Variants in RASA1 observed in about 807,000 individuals in gnomAD.
RASA1 encodes RAS p21 protein activator 1.
RASA1 carries 25 observed loss-of-function variants against 132.2 expected under a neutral mutation model. That is an observed-to-expected ratio of 0.19 (90% CI 0.14 to 0.26). The LOEUF (loss-of-function observed/expected upper bound fraction) is 0.26. Among genes scored for constraint, RASA1 ranks in the 10% least tolerant of loss-of-function variants. The pLI, the probability that RASA1 is intolerant of heterozygous loss-of-function variation, is 1.00. For synonymous variants in RASA1, 477 were observed against 449.9 expected, an observed-to-expected ratio of 1.06 and a Z score of -0.76; for missense variants, 964 against 1,299.2, an observed-to-expected ratio of 0.74 and a Z score of 3.97.
At chr5:87,385,208 C>T (rs768970048) in intron 21 of RASA1, 93 bp from the exon 22 acceptor site, 61 of 836,424 alleles carry the variant, frequency 7.3e-5, no homozygotes, top group Non-Finnish European at 1.2e-4. Flanking sequence ...AGTAGTTTAA[C>T]AGTAAAGAAA....
At chr5:87,317,045 G>A (rs1045377213) in intron 1 of RASA1, among the ~76,000 whole-genome samples, 6 of 152,058 alleles carry the variant, frequency 3.9e-5, no homozygotes. Flanking sequence ...ACTACACCCA[G>A]CTAATTTTTG....
At position 87,353,180 on chromosome 5, in the gene RASA1, A is replaced by G; in HGVS notation, c.1277A>G (p.Tyr426Cys). 6.2e-7 allele frequency: 1 copy of G among 1,610,652 alleles called. No individual in the cohort carries two copies. Among genetic ancestry groups the G allele is most frequent in the Non-Finnish European group, 8.5e-7 (1 of 1,177,386 alleles). ...YNSIGDIIDH[Y>C]RKEQIVEGYY... ...AGCATTGGGGACATCATAGATCACTATCGAAAAGAACAGATTGTTGAAGGA... is the reference window on the plus strand; with the variant it reads ...AGCATTGGGGACATCATAGATCACTGTCGAAAAGAACAGATTGTTGAAGGA... Residue 426 changes from tyrosine to cysteine, a missense_variant, in exon 9 of 25, where the codon TAT becomes TGT. Tyr to Cys is a radical substitution (Grantham distance 194, BLOSUM62 -2). Transcript: ENST00000274376.
At position 87,319,356 on chromosome 5, in the gene RASA1, G is replaced by C. The variant is rs577457199; in HGVS notation, c.540-11992G>C. Among the ~76,000 whole-genome samples the C allele has an allele frequency of 2.0e-5, 3 of 152,356 alleles. No homozygotes were observed. In the East Asian group the frequency reaches 5.8e-4, roughly 29 times the overall value. Reference sequence around the variant, plus strand: ...ACATTTCCCCCTCTGCACTGCCCTAGTAGAGGGTCTCCATGAGGACTCTGG... The same window carrying C: ...ACATTTCCCCCTCTGCACTGCCCTACTAGAGGGTCTCCATGAGGACTCTGG... On this transcript the variant is annotated intron_variant, in intron 1 of 24. Transcript: ENST00000274376.
intron 1 of RASA1, among the ~76,000 whole-genome samples, chr5:87,297,290 C>T (rs1755163465): frequency 6.6e-6 from 1 of 152,174 alleles, no homozygotes; most frequent in Non-Finnish European, 1.5e-5. Context: ...TCTCTTCAAG[C>T]TGTTTTTTGC....
At chr5:87,278,153 T>G (rs1754148441) in intron 1 of RASA1, among the ~76,000 whole-genome samples, 1 of 152,192 alleles carries the variant, frequency 6.6e-6, no homozygotes, top group Non-Finnish European at 1.5e-5. Flanking sequence ...ATAGACCGTA[T>G]CTCACCTATA....
At chr5:87,321,268 C>G (rs1474618828) in intron 1 of RASA1, among the ~76,000 whole-genome samples, 1 of 152,188 alleles carries the variant, frequency 6.6e-6, no homozygotes, top group East Asian at 1.9e-4. Flanking sequence ...CCACAACAAT[C>G]AACACAGAGG....
At chr5:87,309,695 T>C (rs1300309817) in intron 1 of RASA1, among the ~76,000 whole-genome samples, 1 of 152,156 alleles carries the variant, frequency 6.6e-6, no homozygotes. Context: ...TCAGTCTTTG[T>C]ATATTTCTTT....
At chr5:87,286,861 CATATACACCATATAT>C (rs1362732603) in intron 1 of RASA1, among the ~76,000 whole-genome samples, 4 of 150,048 alleles carry the variant, frequency 2.7e-5, no homozygotes, top group East Asian at 1.9e-4. Context: ...ACACCATATA[CATATACACCATATAT>C]ATATACACCA....
At chr5:87,297,239 C>T (rs983160539) in intron 1 of RASA1, among the ~76,000 whole-genome samples, 1 of 152,174 alleles carries the variant, frequency 6.6e-6, no homozygotes, top group Non-Finnish European at 1.5e-5. Flanking sequence ...AGTCTGGTAA[C>T]TCCAGAATTC....
chr5:87,362,722 T>C (rs371732638), intron 10 of RASA1, 51 bp downstream of exon 10: 3 of 1,567,312 alleles, frequency 1.9e-6, no homozygotes, highest in East Asian at 4.5e-5. Flanking sequence ...GTTGTAAATA[T>C]GGAGCTCCGA....
rs148252410 is a variant in RASA1, at chr5:87,280,632, C to T, written c.539+11642C>T. Among the ~76,000 whole-genome samples, 4 of 152,280 alleles carry T rather than the reference C, an allele frequency of 2.6e-5. No homozygotes were observed. The East Asian group carries it at 7.7e-4, about 29-fold the overall frequency. The stretch of plus-strand genomic sequence containing the variant: ...CCAGCTTGAAAAATCTTTTCATGTG[C>T]TTTTTCCATCTGTATACCTTCTTTG... On this transcript the variant is annotated intron_variant, in intron 1 of 24. Transcript: ENST00000274376.
At chr5:87,362,114 G>A (rs934148233) in intron 9 of RASA1, among the ~76,000 whole-genome samples, 1 of 152,168 alleles carries the variant, frequency 6.6e-6, no homozygotes, top group Non-Finnish European at 1.5e-5. Context: ...CACCTGGTAC[G>A]GTTGTCTGTA....
chr5:87,353,775 A>C (rs992132257), intron 9 of RASA1, among the ~76,000 whole-genome samples: 6 of 152,092 alleles, frequency 3.9e-5, no homozygotes, highest in African/African-American at 1.4e-4. Flanking sequence ...CCTAGACAAA[A>C]GTGAATAGAA....
intron 1 of RASA1, among the ~76,000 whole-genome samples, chr5:87,286,978 T>TAC (rs1754606831): frequency 6.7e-6 from 1 of 148,678 alleles, no homozygotes; most frequent in Non-Finnish European, 1.5e-5. Flanking sequence ...ACCATATATA[T>TAC]ACCATATATA....
At chr5:87,294,736 T>C (rs559075055) in intron 1 of RASA1, among the ~76,000 whole-genome samples, 6 of 152,354 alleles carry the variant, frequency 3.9e-5, no homozygotes, top group Admixed American at 2.0e-4. Context: ...TCTATACTTA[T>C]AAATTTGTTA....
At chr5:87,287,601 C>T (rs1754691940) in intron 1 of RASA1, among the ~76,000 whole-genome samples, 1 of 148,652 alleles carries the variant, frequency 6.7e-6, no homozygotes, top group South Asian at 2.1e-4. Flanking sequence ...CATACATATA[C>T]ACGCCATATA....
chr5:87,357,023 C>A (rs1301762183), intron 9 of RASA1, among the ~76,000 whole-genome samples: 3 of 152,160 alleles, frequency 2.0e-5, no homozygotes, highest in Admixed American at 2.0e-4. Flanking sequence ...TGCTTTCCAG[C>A]AAGAAATACC....
intron 15 of RASA1, 118 bp downstream of exon 15, chr5:87,375,034 G>C: frequency 5.3e-6 from 7 of 1,320,012 alleles, no homozygotes; most frequent in African/African-American, 1.5e-5. Flanking sequence ...AGTATAATTT[G>C]AGATAGTTTC....
chr5:87,391,012 GC>G lies in RASA1; in HGVS notation c.*130del. 1.1e-6 allele frequency: 1 copy of G among 940,432 alleles called. No homozygotes were observed. The allele number at this position is 940,432 out of a possible 1,614,324, so 58.3% of individuals were successfully genotyped here. ...CACATTCCAGTGATGTGTGAGCTAT[GC>G]AAACAAAATCCAAGATTCTGCTGGT... On this transcript the variant is annotated 3_prime_UTR_variant, in exon 25 of 25. Coordinates refer to ENST00000274376, the MANE Select transcript of RASA1 (RefSeq NM_002890.3).
Sources: allele counts gnomAD v4.1 joint callset (sites outside exome capture counted in the v4.1 genomes callset), GRCh38; gene constraint gnomAD v4.1.1; transcripts MANE v1.5; gene names NCBI Gene and HGNC (gene_info 2026-07-23, HGNC 2026-07-21).